The following NEK1 variants were observed in gnomAD, a reference collection of about 807,000 sequenced individuals.
NEK1 encodes NIMA related kinase 1, also known as serine/threonine-protein kinase Nek1.
In NEK1, 137 loss-of-function variants were observed where a neutral mutation model predicts 182.1. The observed-to-expected ratio is 0.75, with a 90% CI of 0.65 to 0.87. NEK1 has a LOEUF of 0.87. Among genes scored for constraint, NEK1 ranks in the 40% least tolerant of loss-of-function variants. NEK1 has a pLI of 0.00. For synonymous variants in NEK1, 513 were observed against 492.2 expected (o/e 1.04, Z -0.56); for missense variants, 1,391 against 1,494.4 (o/e 0.93, Z 1.14).
At chr4:169,505,379 A>T (rs1374027282) in intron 23 of NEK1, among the ~76,000 whole-genome samples, 1 of 152,030 alleles carries the variant, frequency 6.6e-6, no homozygotes, top group Non-Finnish European at 1.5e-5. Flanking sequence ...CTTTATGATG[A>T]TCCACTTCCA....
At position 169,505,245 on chromosome 4, in the gene NEK1, G is replaced by A. The variant is rs551829323; in HGVS notation, c.2007+1792C>T. Among the ~76,000 whole-genome samples the A allele has an allele frequency of 2.6e-5, 4 of 151,438 alleles. No individual in the cohort carries two copies. The South Asian group carries it at 8.4e-4, about 32-fold the overall frequency. On this transcript the variant is annotated intron_variant, in intron 23 of 35. Coordinates refer to ENST00000507142, the MANE Select transcript of NEK1 (RefSeq NM_001199397.3). ...TACAGTTAATCCTTGAACAACACAG[G>A]TTTGACCAGCACAAATCCACTTACA... is the stretch of plus-strand genomic sequence containing the variant.
chr4:169,505,603 C>T (rs1486532443), intron 23 of NEK1, among the ~76,000 whole-genome samples: 1 of 152,176 alleles, frequency 6.6e-6, no homozygotes, highest in Admixed American at 6.5e-5. Flanking sequence ...GTGCAAGGGG[C>T]CAATGCCCCA....
At position 169,570,504 on chromosome 4, in the gene NEK1, TG is replaced by T. The variant is rs1337630266; in HGVS notation, c.1020+6423del. Among the ~76,000 whole-genome samples the T allele has an allele frequency of 3.7e-5, 5 of 136,962 alleles. No homozygotes were observed. In the East Asian group the frequency reaches 9.0e-4, roughly 25 times the overall value. 89.9% of individuals were successfully genotyped at this position (136,962 alleles called of 152,430 possible). A position where few individuals can be genotyped will look rare whatever the true frequency, so the allele number is the denominator to read the frequency against. On this transcript the variant is annotated intron_variant, in intron 12 of 35. Coordinates refer to ENST00000507142, the MANE Select transcript of NEK1 (RefSeq NM_001199397.3). Reference sequence around the variant, plus strand: ...CCAGCCGCCCCGTCCGGAAGGGAGGTGGGGGGGTCAGCCCCCCGCCCGGCCA... The same window carrying T: ...CCAGCCGCCCCGTCCGGAAGGGAGGTGGGGGGTCAGCCCCCCGCCCGGCCA...
At chr4:169,602,449 C>A in intron 3 of NEK1, 65 bp downstream of exon 3, 1 of 839,798 alleles carries the variant, frequency 1.2e-6, no homozygotes, top group Non-Finnish European at 1.9e-6. Flanking sequence ...TAAAGAAAAT[C>A]TCTAACAATG....
chr4:169,507,980 AC>A (rs1753588623), intron 21 of NEK1, among the ~76,000 whole-genome samples, 188 bp from the exon 22 acceptor site: 1 of 152,240 alleles, frequency 6.6e-6, no homozygotes, highest in Non-Finnish European at 1.5e-5. Context: ...GAACAATGGA[AC>A]AAAAAGATAA....
intron 33 of NEK1, 120 bp from the exon 34 acceptor site, chr4:169,400,771 T>G (rs1232332259): frequency 1.5e-6 from 1 of 655,700 alleles, no homozygotes; most frequent in Admixed American, 3.8e-5. Context: ...TCTACTTTCA[T>G]TATAAACAGT....
chr4:169,515,447 A>C (rs1050347565), intron 19 of NEK1, among the ~76,000 whole-genome samples: 1 of 150,890 alleles, frequency 6.6e-6, no homozygotes, highest in African/African-American at 2.4e-5. Context: ...TCTGCTCTCT[A>C]TATTTTAAAG....
intron 29 of NEK1, among the ~76,000 whole-genome samples, chr4:169,430,191 TGTTTTA>T (rs1212750337): frequency 2.6e-5 from 4 of 151,964 alleles, no homozygotes; most frequent in African/African-American, 9.7e-5. Flanking sequence ...TTTTTGTTTT[TGTTTTA>T]TTTTTGACAG....
intron 16 of NEK1, among the ~76,000 whole-genome samples, chr4:169,558,644 CAA>C (rs576103968): frequency 1.7e-4 from 26 of 152,234 alleles, no homozygotes; most frequent in African/African-American, 6.3e-4. Flanking sequence ...TATTTTCAAA[CAA>C]GAGATACACC....
rs924321262 is a variant in NEK1, at chr4:169,393,716, T to G, written c.*794A>C. On this transcript the variant is annotated 3_prime_UTR_variant, in exon 36 of 36. Transcript: ENST00000507142. ...AACATCTTATTGTCCTTGAAGCTTA[T>G]GTATGGAGGAAGTTAAAAACCAAAA... is the stretch of plus-strand genomic sequence containing the variant. 6.6e-6 allele frequency: 1 copy of G among 152,202 alleles called. No individual in the cohort carries two copies. The highest frequency in any genetic ancestry group is 1.5e-5 in the Non-Finnish European group (1 of 68,016). The allele number at this position is 152,202 out of a possible 1,614,324, so 9.4% of individuals were successfully genotyped here.
At position 169,556,014 on chromosome 4, in the gene NEK1, A is replaced by T; in HGVS notation, c.1348T>A (p.Phe450Ile). The change falls in exon 17 of 36, where the codon TTT becomes ATT. Residue 450 changes from phenylalanine to isoleucine, a missense_variant. This residue lies in a region of NEK1 where 1,216 missense variants were observed against 1,277.6 expected (regional missense o/e 0.95). Transcript: ENST00000507142. ...GCTCTTTGTTGCTGCATTTGGTCAA[A>T]AATGGCATGGTAATGTTCATACTGT... ...RGQYEHYHAI[F>I]DQMQQQRAED... The T allele has an allele frequency of 6.2e-7, 1 of 1,613,768 alleles. No homozygotes were observed. The highest frequency in any genetic ancestry group is 8.5e-7 in the Non-Finnish European group (1 of 1,179,796).
chr4:169,570,285 C>T (rs1181886445), intron 12 of NEK1, among the ~76,000 whole-genome samples: 1 of 151,698 alleles, frequency 6.6e-6, no homozygotes, highest in East Asian at 2.0e-4. Flanking sequence ...GTGAGGAGCC[C>T]CTCCGCCCAG....
In NEK1 at chr4:169,477,213, GAA is replaced by G. The variant is rs2149549124; in HGVS notation, c.2343_2344del (p.Ser782IlefsTer2). The G allele has an allele frequency of 6.2e-7, 1 of 1,607,136 alleles. No homozygotes were observed. Among genetic ancestry groups the G allele is most frequent in the Non-Finnish European group, 8.5e-7 (1 of 1,176,332 alleles). Reference sequence around the variant, plus strand: ...TGCCTCCCACTTCTTGCGATCAGATGAAACTGATTTTTCTTTTTCATGCTCTT... The same window carrying G: ...TGCCTCCCACTTCTTGCGATCAGATGACTGATTTTTCTTTTTCATGCTCTT... On this transcript the variant is annotated frameshift_variant, in exon 26 of 36. Transcript: ENST00000507142. LOFTEE classifies it high-confidence loss of function.
intron 19 of NEK1, among the ~76,000 whole-genome samples, chr4:169,531,379 G>T (rs901925935): frequency 6.6e-6 from 1 of 152,084 alleles, no homozygotes; most frequent in African/African-American, 2.4e-5. Context: ...GTCTGGCTAT[G>T]AACAGGAGGA....
At chr4:169,593,759 C>G (rs370642930) in intron 5 of NEK1, among the ~76,000 whole-genome samples, 1 of 152,002 alleles carries the variant, frequency 6.6e-6, no homozygotes. Flanking sequence ...GAGGCCTAGG[C>G]GGGCAGATCA....
At chr4:169,565,852 G>T (rs1323368754) in intron 12 of NEK1, among the ~76,000 whole-genome samples, 2 of 152,144 alleles carry the variant, frequency 1.3e-5, no homozygotes, top group African/African-American at 4.8e-5. Flanking sequence ...TTCCCTTGGG[G>T]TGATAAAAAT....
chr4:169,471,145 G>A (rs372064639), intron 26 of NEK1, among the ~76,000 whole-genome samples: 47 of 152,242 alleles, frequency 3.1e-4, no homozygotes, highest in Admixed American at 8.5e-4. Context: ...CTCATTCTCC[G>A]TCCAGTTTTG....
intron 27 of NEK1, among the ~76,000 whole-genome samples, chr4:169,459,859 G>A (rs1743629991): frequency 1.3e-5 from 2 of 152,136 alleles, no homozygotes; most frequent in East Asian, 1.9e-4. Context: ...AATAATCAGT[G>A]GTTGCCAGGG....
intron 2 of NEK1, among the ~76,000 whole-genome samples, chr4:169,609,870 C>G (rs1411448577): frequency 6.6e-6 from 1 of 152,156 alleles, no homozygotes; most frequent in Admixed American, 6.5e-5. Flanking sequence ...TTCAACAATT[C>G]CCCATCTCCA....
Sources: allele counts gnomAD v4.1 joint callset (sites outside exome capture counted in the v4.1 genomes callset), GRCh38; gene constraint gnomAD v4.1.1; regional missense constraint gnomAD v4.1.1; transcripts MANE v1.5; gene names NCBI Gene and HGNC (gene_info 2026-07-23, HGNC 2026-07-21).